RBM28: variants seen among roughly 807,000 people sequenced by gnomAD.
RBM28 encodes the protein RNA binding motif protein 28.
In RBM28, 78 loss-of-function variants were observed where a neutral mutation model predicts 98.3. The observed-to-expected ratio is 0.79, with a 90% CI of 0.66 to 0.96. The LOEUF is 0.96. RBM28 is among the 40% of genes least tolerant of loss of function. RBM28 has a pLI of 0.00. For synonymous variants in RBM28, 306 were observed against 330.9 expected (o/e 0.92, Z 0.82); for missense variants, 838 against 913.0 (o/e 0.92, Z 1.06).
Position 128,326,680 on chromosome 7 carries a change from C to T in RBM28, c.1130-789G>A, listed in dbSNP as rs186492581. On this transcript the variant is annotated intron_variant, in intron 10 of 18. Transcript: ENST00000223073. ...AAATAATGAACTTTGCAGAATGTAT[C>T]CCCATCATTAAGTGACGCATATTGC... Among the ~76,000 whole-genome samples the T allele has an allele frequency of 5.9e-5, 9 of 152,202 alleles. No individual in the cohort carries two copies. In the East Asian group the frequency reaches 1.2e-3, roughly 20 times the overall value.
intron 10 of RBM28, among the ~76,000 whole-genome samples, chr7:128,327,794 C>G (rs1256259720): frequency 6.6e-6 from 1 of 152,122 alleles, no homozygotes; most frequent in East Asian, 1.9e-4. Flanking sequence ...GCCACTGCAC[C>G]CGGTCAATAA....
Position 128,297,689 on chromosome 7 carries a change from A to C in RBM28, c.*13108T>G, listed in dbSNP as rs1795723354. 1 of 152,008 alleles carries C rather than the reference A, an allele frequency of 6.6e-6. No homozygotes were observed. The highest frequency in any genetic ancestry group is 2.4e-5 in the African/African-American group (1 of 41,376). 9.4% of individuals were successfully genotyped at this position (152,008 alleles called of 1,614,324 possible). Reference sequence around the variant, plus strand: ...ATAAATCATGCTGCTATAAAGACACACACACACGTATGTTTATTGCGGCAC... The same window carrying C: ...ATAAATCATGCTGCTATAAAGACACCCACACACGTATGTTTATTGCGGCAC... On this transcript the variant is annotated 3_prime_UTR_variant, in exon 19 of 19. Transcript: ENST00000223073.
At position 128,301,052 on chromosome 7, in the gene RBM28, G is replaced by A. The variant is rs1795775919; in HGVS notation, c.*9745C>T. 1 of 152,262 alleles carries A rather than the reference G, an allele frequency of 6.6e-6. No individual in the cohort carries two copies. Among genetic ancestry groups the A allele is most frequent in the Non-Finnish European group, 1.5e-5 (1 of 68,090 alleles). 9.4% of individuals were successfully genotyped at this position (152,262 alleles called of 1,614,324 possible). On this transcript the variant is annotated 3_prime_UTR_variant, in exon 19 of 19. Coordinates refer to ENST00000223073, the MANE Select transcript of RBM28 (RefSeq NM_018077.3). The stretch of plus-strand genomic sequence containing the variant: ...TGGAGGTGGGGCCAGCACCACCTGA[G>A]GACATGTAGCCTTCCCAGGATTCTG...
chr7:128,334,038 T>C (rs1012731138), intron 8 of RBM28, among the ~76,000 whole-genome samples: 1 of 152,230 alleles, frequency 6.6e-6, no homozygotes, highest in Non-Finnish European at 1.5e-5. Context: ...TGTATATGTG[T>C]GTGTATATGT....
At chr7:128,318,247 G>A (rs1796147961) in intron 14 of RBM28, 141 bp from the exon 15 acceptor site, 7 of 872,270 alleles carry the variant, frequency 8.0e-6, no homozygotes, top group Non-Finnish European at 1.3e-5. Context: ...CACCTTGGGA[G>A]GCCGAGACAG....
At chr7:128,318,474 C>CAAAA (rs35005841) in intron 14 of RBM28, among the ~76,000 whole-genome samples, 1 of 109,938 alleles carries the variant, frequency 9.1e-6, no homozygotes, top group Admixed American at 8.9e-5. Context: ...GACCCTGTCT[C>CAAAA]AAAAAAAAAA....
chr7:128,321,477 G>C (rs1796232922), intron 13 of RBM28, 53 bp from the exon 14 acceptor site: 1 of 1,602,882 alleles, frequency 6.2e-7, no homozygotes, highest in Non-Finnish European at 8.5e-7. Flanking sequence ...TAAGAGGTAG[G>C]CTCATAATTC....
chr7:128,336,950 G>A (rs1796613812), intron 6 of RBM28, among the ~76,000 whole-genome samples, 181 bp downstream of exon 6: 2 of 152,078 alleles, frequency 1.3e-5, no homozygotes, highest in South Asian at 4.1e-4. Context: ...GGTTTTGCAT[G>A]TTGGCCAGGC....
chr7:128,334,228 C>T (rs539152646), intron 8 of RBM28, among the ~76,000 whole-genome samples: 41 of 152,254 alleles, frequency 2.7e-4, no homozygotes, highest in Admixed American at 4.6e-4. Flanking sequence ...TGGAAGGATG[C>T]ACAAGAAACA....
At chr7:128,318,128 A>G in intron 14 of RBM28, 22 bp from the exon 15 acceptor site, 2 of 1,597,384 alleles carry the variant, frequency 1.3e-6, no homozygotes, top group South Asian at 1.1e-5. Flanking sequence ...GCAAGAAAAA[A>G]ATCAGTAATT....
intron 17 of RBM28, among the ~76,000 whole-genome samples, chr7:128,314,206 C>A (rs1445762664): frequency 1.3e-5 from 2 of 152,212 alleles, no homozygotes; most frequent in Non-Finnish European, 1.5e-5. Context: ...TCGTGATCCA[C>A]CCGCCTCGGC....
At chr7:128,320,768 C>T (rs952071589) in intron 14 of RBM28, among the ~76,000 whole-genome samples, 1 of 152,258 alleles carries the variant, frequency 6.6e-6, no homozygotes, top group South Asian at 2.1e-4. Flanking sequence ...TCCTTGCATT[C>T]TGCTGTAATT....
rs772329579 is a variant in RBM28, at chr7:128,343,814, G to A, written c.-21C>T. On this transcript the variant is annotated 5_prime_UTR_variant, in exon 1 of 19. Transcript: ENST00000223073. ...GCCATGAGACCGGGAAACCCAAAGC[G>A]CGTGAGGACGCGAGCAAACTAGGCC... 9.7e-6 allele frequency: 15 copies of A among 1,547,462 alleles called. No homozygotes were observed. The highest frequency in any genetic ancestry group is 1.4e-5 in the African/African-American group (1 of 72,776).
rs1562942327 is a variant in RBM28 at position 128,299,881 on chromosome 7, T to TATAGACACAGGGAGAAGATGGCCATGTGA, written c.*10887_*10915dup. On this transcript the variant is annotated 3_prime_UTR_variant, in exon 19 of 19. Coordinates refer to ENST00000223073, the MANE Select transcript of RBM28 (RefSeq NM_018077.3). ...GAAGAGGGAAATTTGGACATAGACCTATAGACACAGGGAGAAGATGGCCAT... is the reference window on the plus strand; with the variant it reads ...GAAGAGGGAAATTTGGACATAGACCTATAGACACAGGGAGAAGATGGCCATGTGAATAGACACAGGGAGAAGATGGCCAT... The TATAGACACAGGGAGAAGATGGCCATGTGA allele has an allele frequency of 6.6e-6, 1 of 151,238 alleles. No homozygotes were observed. Among genetic ancestry groups the TATAGACACAGGGAGAAGATGGCCATGTGA allele is most frequent in the Non-Finnish European group, 1.5e-5 (1 of 67,348 alleles). The allele number at this position is 151,238 out of a possible 1,614,324, so 9.4% of individuals were successfully genotyped here. A position where few individuals can be genotyped will look rare whatever the true frequency, so the allele number is the denominator to read the frequency against.
intron 10 of RBM28, among the ~76,000 whole-genome samples, chr7:128,329,833 G>T (rs1045428041): frequency 2.8e-5 from 4 of 141,478 alleles, no homozygotes; most frequent in African/African-American, 1.0e-4. Context: ...AGCTTGCAGT[G>T]AGCCGAGATG....
At chr7:128,321,662 G>A (rs759080729) in intron 13 of RBM28, among the ~76,000 whole-genome samples, 1 of 152,078 alleles carries the variant, frequency 6.6e-6, no homozygotes, top group African/African-American at 2.4e-5. Flanking sequence ...TCCCTAACTG[G>A]AGAAATTACA....
intron 14 of RBM28, among the ~76,000 whole-genome samples, chr7:128,318,474 CAAAA>C (rs35005841): frequency 6.4e-5 from 7 of 109,932 alleles, no homozygotes; most frequent in African/African-American, 3.6e-5. Flanking sequence ...GACCCTGTCT[CAAAA>C]AAAAAAAAAA....
intron 1 of RBM28, chr7:128,341,368 A>T (rs1459097935): frequency 1.5e-5 from 5 of 323,852 alleles, no homozygotes; most frequent in Non-Finnish European, 3.1e-5. Context: ...GAAATGTAAA[A>T]GAGTTTGACA....
chr7:128,334,230 C>T (rs1056884201), intron 8 of RBM28, among the ~76,000 whole-genome samples: 58 of 152,150 alleles, frequency 3.8e-4, no homozygotes, highest in African/African-American at 1.4e-3. Context: ...GAAGGATGCA[C>T]AAGAAACAAC....
Sources: gnomAD v4.1 joint callset for allele counts (sites outside exome capture counted in the v4.1 genomes callset) on GRCh38, gnomAD v4.1.1 for gene constraint, MANE v1.5 for transcripts, NCBI Gene and HGNC (gene_info 2026-07-23, HGNC 2026-07-21) for gene names.